TBCCD1: variants seen among roughly 807,000 people sequenced by gnomAD.
TBCCD1 encodes TBCC domain-containing protein 1.
A neutral mutation model predicts 53.4 loss-of-function variants in TBCCD1; 26 were observed. The ratio of observed to expected loss-of-function variants is 0.49; its 90% CI spans 0.36 to 0.68. TBCCD1 has a LOEUF of 0.68. TBCCD1 is among the 30% of genes least tolerant of loss of function. TBCCD1 has a pLI of 0.00. For missense variants in TBCCD1, 558 were observed against 669.5 expected, an observed-to-expected ratio of 0.83 and a Z score of 1.84; for synonymous variants, 245 against 241.7, an observed-to-expected ratio of 1.01 and a Z score of -0.13.
At chr3:186,551,629 T>C (rs188867907) in intron 6 of TBCCD1, among the ~76,000 whole-genome samples, 66 of 152,306 alleles carry the variant, frequency 4.3e-4, no homozygotes, top group African/African-American at 1.6e-3. Flanking sequence ...TTGTGATCTG[T>C]GTAATCCATG....
chr3:186,551,318 T>C (rs1297574677), intron 6 of TBCCD1, 39 bp from the exon 7 acceptor site: 7 of 1,568,966 alleles, frequency 4.5e-6, no homozygotes, highest in Non-Finnish European at 4.4e-6. Flanking sequence ...TATAAGAACA[T>C]GAATTCATAT....
upstream of TBCCD1, among the ~76,000 whole-genome samples, chr3:186,568,942 G>A (rs1346064868): frequency 6.6e-6 from 1 of 151,258 alleles, no homozygotes; most frequent in Non-Finnish European, 1.5e-5. Context: ...ACAGGGTGGT[G>A]TAAGAGTAAG....
At chr3:186,555,452 C>T (rs1714513974) in intron 4 of TBCCD1, among the ~76,000 whole-genome samples, 1 of 152,192 alleles carries the variant, frequency 6.6e-6, no homozygotes, top group African/African-American at 2.4e-5. Context: ...AGATGCTTTA[C>T]TTTATCATCC....
intron 7 of TBCCD1, among the ~76,000 whole-genome samples, chr3:186,548,157 T>C (rs1714267045): frequency 1.3e-5 from 2 of 151,684 alleles, no homozygotes; most frequent in South Asian, 4.2e-4. Flanking sequence ...AACAAAATGG[T>C]AGATCCACAC....
chr3:186,568,623 G>A (rs202208702), upstream of TBCCD1, among the ~76,000 whole-genome samples: 17 of 152,264 alleles, frequency 1.1e-4, no homozygotes, highest in East Asian at 2.7e-3. Context: ...ATAGGAGGCC[G>A]GGCGTGGTGG....
intron 3 of TBCCD1, 93 bp downstream of exon 3, chr3:186,558,324 T>C (rs1033424409): frequency 2.9e-5 from 42 of 1,437,826 alleles, no homozygotes; most frequent in Non-Finnish European, 1.7e-5. Flanking sequence ...CACTGGCTTA[T>C]GTAAGAAATC....
chr3:186,567,463 T>C (rs1241895843), upstream of TBCCD1: 1 of 151,468 alleles, frequency 6.6e-6, no homozygotes, highest in Non-Finnish European at 1.5e-5. Context: ...TGAGAAAATC[T>C]AGGCTGGGGT....
chr3:186,569,479 T>C (rs56298276), upstream of TBCCD1, among the ~76,000 whole-genome samples: 44,128 of 151,534 alleles, frequency 0.29, 8,676 homozygotes, highest in African/African-American at 0.56. Context: ...CCACCACACC[T>C]GGCTAATTTT....
chr3:186,549,378 A>G (rs1251291041), intron 7 of TBCCD1, among the ~76,000 whole-genome samples: 2 of 151,520 alleles, frequency 1.3e-5, no homozygotes, highest in Non-Finnish European at 2.9e-5. Context: ...AATAAGTGAA[A>G]CTGCTAAATC....
chr3:186,551,067 CTT>C, intron 7 of TBCCD1, 60 bp downstream of exon 7: 1 of 1,544,814 alleles, frequency 6.5e-7, no homozygotes, highest in Non-Finnish European at 8.7e-7. Context: ...TATTCTGTGC[CTT>C]TTTTTTATGC....
chr3:186,565,728 C>A (rs551887256), intron 1 of TBCCD1, among the ~76,000 whole-genome samples: 1 of 152,318 alleles, frequency 6.6e-6, no homozygotes, highest in South Asian at 2.1e-4. Context: ...ATAATGCTAT[C>A]ACTACCATCT....
upstream of TBCCD1, chr3:186,570,031 A>G: frequency 3.2e-6 from 2 of 630,292 alleles, no homozygotes; most frequent in Non-Finnish European, 5.8e-6. Context: ...CAGAACTGCC[A>G]ATAAGTGCTT....
chr3:186,552,023 T>C (rs1276361552), intron 6 of TBCCD1, among the ~76,000 whole-genome samples: 2 of 151,820 alleles, frequency 1.3e-5, no homozygotes, highest in African/African-American at 4.8e-5. Context: ...AAATATAATA[T>C]AAAGTTAAGT....
intron 3 of TBCCD1, 65 bp downstream of exon 3, chr3:186,558,352 G>C: frequency 6.6e-7 from 1 of 1,518,372 alleles, no homozygotes; most frequent in African/African-American, 1.4e-5. Flanking sequence ...AATTTTTAAT[G>C]CAAGTGAACC....
intron 3 of TBCCD1, among the ~76,000 whole-genome samples, chr3:186,558,173 GA>G (rs1394205103): frequency 1.3e-5 from 2 of 152,196 alleles, no homozygotes; most frequent in Non-Finnish European, 2.9e-5. Flanking sequence ...TGAACATAGT[GA>G]TGATCTGCCC....
chr3:186,553,875 T>G (rs1024262701), intron 6 of TBCCD1, among the ~76,000 whole-genome samples: 12 of 152,174 alleles, frequency 7.9e-5, no homozygotes, highest in Admixed American at 3.3e-4. Context: ...GAGACACAGT[T>G]TCACTCTTGT....
intron 2 of TBCCD1, among the ~76,000 whole-genome samples, chr3:186,561,052 T>C (rs1714675088): frequency 6.6e-6 from 1 of 152,160 alleles, no homozygotes; most frequent in Non-Finnish European, 1.5e-5. Context: ...TCCTTGACAT[T>C]GGTCTTGGTA....
intron 1 of TBCCD1, among the ~76,000 whole-genome samples, chr3:186,566,865 G>A (rs1196477811): frequency 6.6e-6 from 1 of 151,388 alleles, no homozygotes; most frequent in African/African-American, 2.4e-5. Flanking sequence ...AAAATGTAAA[G>A]AGGCTGCTCT....
intron 1 of TBCCD1, among the ~76,000 whole-genome samples, chr3:186,564,668 G>A (rs1222732242): frequency 6.6e-6 from 1 of 152,214 alleles, no homozygotes; most frequent in African/African-American, 2.4e-5. Flanking sequence ...GAAAATGAAT[G>A]AGGGGAAAAA....
Sources: gnomAD v4.1 joint callset for allele counts (sites outside exome capture counted in the v4.1 genomes callset) on GRCh38, gnomAD v4.1.1 for gene constraint, MANE v1.5 for transcripts, NCBI Gene and HGNC (gene_info 2026-07-23, HGNC 2026-07-21) for gene names.